Variants in TRAPPC9 observed in about 807,000 individuals in gnomAD.
TRAPPC9 encodes trafficking protein particle complex subunit 9, also known as IKK2 binding protein.
A neutral mutation model predicts 124.0 loss-of-function variants in TRAPPC9; 83 were observed. The observed-to-expected ratio is 0.67, with a 90% CI of 0.56 to 0.80. TRAPPC9 has a LOEUF of 0.80. Ranked by LOEUF, TRAPPC9 falls within the 30% of genes least tolerant of loss-of-function variation. TRAPPC9 has a pLI of 0.00. For missense variants in TRAPPC9, 1,302 were observed against 1,508.3 expected (o/e 0.86, Z 2.27); for synonymous variants, 638 against 617.5 (o/e 1.03, Z -0.49).
At chr8:140,370,410 G>A (rs2068248547) in intron 8 of TRAPPC9, among the ~76,000 whole-genome samples, 2 of 152,100 alleles carry the variant, frequency 1.3e-5, no homozygotes. Flanking sequence ...AAGTGCTGGG[G>A]ATTACAGGAG....
chr8:139,831,452 C>A (rs141784358), intron 21 of TRAPPC9, among the ~76,000 whole-genome samples: 1 of 152,190 alleles, frequency 6.6e-6, no homozygotes, highest in Admixed American at 6.5e-5. Flanking sequence ...CATGCAAGCA[C>A]GCACACTAAC....
upstream of TRAPPC9, chr8:140,458,232 C>G: frequency 6.4e-7 from 1 of 1,550,942 alleles, no homozygotes; most frequent in Non-Finnish European, 8.7e-7. Context: ...GCTTCTGCAC[C>G]TGGGGCGGCG....
intron 17 of TRAPPC9, among the ~76,000 whole-genome samples, chr8:140,127,022 A>G (rs2061111521): frequency 6.6e-6 from 1 of 152,216 alleles, no homozygotes; most frequent in Non-Finnish European, 1.5e-5. Context: ...TTTCTCCAGC[A>G]GCCATGTCTG....
At chr8:140,304,868 A>AG (rs1280537419) in intron 10 of TRAPPC9, among the ~76,000 whole-genome samples, 1 of 152,178 alleles carries the variant, frequency 6.6e-6, no homozygotes, top group Admixed American at 6.5e-5. Flanking sequence ...AGTCAACAGC[A>AG]GGCCACACCG....
intron 17 of TRAPPC9, among the ~76,000 whole-genome samples, chr8:140,219,640 C>T (rs969445675): frequency 6.6e-6 from 1 of 152,204 alleles, no homozygotes; most frequent in African/African-American, 2.4e-5. Context: ...AGGGTCTCCT[C>T]CCACCTCCTC....
Position 140,087,529 on chromosome 8 carries a change from C to T in TRAPPC9, c.2557-63450G>A, listed in dbSNP as rs527364282. ...GTTTTCCCCACATTCTAATCCCCAC[C>T]GAGCTTCCTCCATCTCAGTAAATAA... On this transcript the variant is annotated intron_variant, in intron 17 of 22. Transcript: ENST00000438773. The surrounding 1 kb of genome is among the most constrained non-coding windows in gnomAD (Gnocchi z 4.6). Among the ~76,000 whole-genome samples, 3 of 152,284 alleles carry T rather than the reference C, an allele frequency of 2.0e-5. No individual in the cohort carries two copies. Among genetic ancestry groups the T allele is most frequent in the African/African-American group, 7.2e-5 (3 of 41,560 alleles).
chr8:140,364,709 A>G (rs949945843), intron 8 of TRAPPC9, among the ~76,000 whole-genome samples: 1 of 151,794 alleles, frequency 6.6e-6, no homozygotes, highest in African/African-American at 2.4e-5. Context: ...CAACCTCCTG[A>G]GTAGCTAGGA....
At chr8:139,736,317 A>C (rs1169382435) in intron 21 of TRAPPC9, among the ~76,000 whole-genome samples, 1 of 152,238 alleles carries the variant, frequency 6.6e-6, no homozygotes, top group Non-Finnish European at 1.5e-5. Context: ...GGAAACCCTC[A>C]GTGCCAGGCA....
intron 17 of TRAPPC9, among the ~76,000 whole-genome samples, chr8:140,055,369 C>T (rs1360317862): frequency 6.6e-6 from 1 of 152,090 alleles, no homozygotes. Flanking sequence ...GAAATTACCT[C>T]GATAAAATAC....
chr8:140,328,354 T>C (rs998912391), intron 9 of TRAPPC9, among the ~76,000 whole-genome samples: 1 of 152,170 alleles, frequency 6.6e-6, no homozygotes, highest in Non-Finnish European at 1.5e-5. Flanking sequence ...GGTAGAAATC[T>C]AACAAAATAC....
intron 15 of TRAPPC9, among the ~76,000 whole-genome samples, chr8:140,268,767 T>C (rs1440703942): frequency 6.6e-6 from 1 of 151,992 alleles, no homozygotes; most frequent in African/African-American, 2.4e-5. Flanking sequence ...AACCACACAA[T>C]AACAAAGACA....
In TRAPPC9 at chr8:140,388,799, G is replaced by A. The variant is rs140232758; in HGVS notation, c.1134+8821C>T. Among the ~76,000 whole-genome samples, 700 of 145,116 alleles carry A rather than the reference G, an allele frequency of 4.8e-3. 7 individuals carry two copies. Among genetic ancestry groups the A allele is most frequent in the African/African-American group, 0.017 (675 of 39,338 alleles). On this transcript the variant is annotated intron_variant, in intron 7 of 22. Coordinates refer to ENST00000438773, the MANE Select transcript of TRAPPC9 (RefSeq NM_001160372.4). ...GGAGGCGGAGGTTGCAGTGAGCAGAGATGGCGCCATTGCACACTCCAGCCT... is the reference window on the plus strand; with the variant it reads ...GGAGGCGGAGGTTGCAGTGAGCAGAAATGGCGCCATTGCACACTCCAGCCT...
intron 16 of TRAPPC9, among the ~76,000 whole-genome samples, chr8:140,226,802 T>C (rs2063464884): frequency 6.7e-6 from 1 of 150,344 alleles, no homozygotes; most frequent in Non-Finnish European, 1.5e-5. Flanking sequence ...AAAACACAAA[T>C]CAGCAATGTT....
chr8:139,833,005 T>C (rs1826091382), intron 21 of TRAPPC9, among the ~76,000 whole-genome samples: 1 of 152,096 alleles, frequency 6.6e-6, no homozygotes, highest in East Asian at 1.9e-4. Context: ...TGAGAAGGGT[T>C]CAACACCCCA....
At position 140,104,587 on chromosome 8, in the gene TRAPPC9, G is replaced by T. The variant is rs1320956931; in HGVS notation, c.2557-80508C>A. On this transcript the variant is annotated intron_variant, in intron 17 of 22. Transcript: ENST00000438773. This position sits in a 1 kb window ranked among gnomAD's most constrained non-coding sequence, Gnocchi z 4.0. ...GTTTCTCCCGATATTTTCAGCCACA[G>T]TCTGAAATGCAGCAGCTCTGAGGCA... 1.3e-5 allele frequency among the ~76,000 whole-genome samples: 2 copies of T among 152,188 alleles called. No individual in the cohort carries two copies. Among genetic ancestry groups the T allele is most frequent in the African/African-American group, 4.8e-5 (2 of 41,450 alleles).
At chr8:140,351,220 G>A (rs772919783) in intron 9 of TRAPPC9, among the ~76,000 whole-genome samples, 40 of 114,796 alleles carry the variant, frequency 3.5e-4, no homozygotes, top group Non-Finnish European at 5.8e-4. Context: ...CATTCTCCCC[G>A]CACCCCTCCA....
At chr8:140,021,939 G>A (rs868623961) in intron 18 of TRAPPC9, among the ~76,000 whole-genome samples, 1 of 152,232 alleles carries the variant, frequency 6.6e-6, no homozygotes, top group African/African-American at 2.4e-5. Context: ...GCGCACTGGT[G>A]TAAGCCACCT....
intron 17 of TRAPPC9, among the ~76,000 whole-genome samples, chr8:140,052,938 C>T (rs1842089693): frequency 6.6e-6 from 1 of 152,108 alleles, no homozygotes; most frequent in Admixed American, 6.5e-5. Flanking sequence ...CAAAGTGAGA[C>T]CCTGTCTCAA....
chr8:140,036,492 A>AC (rs1366689225), intron 17 of TRAPPC9, among the ~76,000 whole-genome samples: 5 of 152,170 alleles, frequency 3.3e-5, no homozygotes, highest in African/African-American at 9.7e-5. Flanking sequence ...ACCGAAAAAA[A>AC]ATGAGAAGAA....
Sources: allele counts gnomAD v4.1 joint callset (sites outside exome capture counted in the v4.1 genomes callset), GRCh38; gene constraint gnomAD v4.1.1; non-coding constraint Gnocchi (gnomAD v3.1); transcripts MANE v1.5; gene names NCBI Gene and HGNC (gene_info 2026-07-23, HGNC 2026-07-21).